AHR: variants seen among roughly 807,000 people sequenced by gnomAD.
AHR encodes aryl hydrocarbon receptor.
Under a neutral mutation model 86.8 loss-of-function variants are expected in AHR, and 40 were observed. That is an observed-to-expected ratio of 0.46 (90% confidence interval 0.36 to 0.60). AHR has a LOEUF of 0.60. AHR is among the 20% of genes least tolerant of loss of function. The pLI is 0.00. For synonymous variants in AHR, 398 were observed against 354.9 expected, an observed-to-expected ratio of 1.12 and a Z score of -1.37; for missense variants, 1,001 against 1,011.6, an observed-to-expected ratio of 0.99 and a Z score of 0.14.
chr7:17,335,514 G>T (rs1268620932), intron 8 of AHR, 131 bp from the exon 9 acceptor site: 12 of 722,290 alleles, frequency 1.7e-5, no homozygotes, highest in Admixed American at 7.1e-5. Flanking sequence ...ATTATTTTTT[G>T]TTTAAAATTT....
At chr7:17,302,103 G>C (rs1221764459) in intron 1 of AHR, among the ~76,000 whole-genome samples, 2 of 151,816 alleles carry the variant, frequency 1.3e-5, no homozygotes, top group African/African-American at 4.8e-5. Flanking sequence ...ATATATTTTT[G>C]TATTTTTAAG....
chr7:17,302,459 A>G (rs962512943), intron 1 of AHR, among the ~76,000 whole-genome samples: 2 of 152,016 alleles, frequency 1.3e-5, no homozygotes, highest in Non-Finnish European at 1.5e-5. Context: ...TTTTCTATAA[A>G]TTTATGGTGC....
At chr7:17,316,314 G>A (rs892007579) in intron 2 of AHR, among the ~76,000 whole-genome samples, 3 of 152,188 alleles carry the variant, frequency 2.0e-5, no homozygotes, top group African/African-American at 7.2e-5. Context: ...TGTTAGCAGT[G>A]GGAGATTAAG....
At chr7:17,304,668 T>C (rs1352807843) in intron 1 of AHR, among the ~76,000 whole-genome samples, 1 of 152,134 alleles carries the variant, frequency 6.6e-6, no homozygotes, top group Non-Finnish European at 1.5e-5. Flanking sequence ...CTGAGCAATA[T>C]ATTATGCTTG....
In AHR at chr7:17,343,321, A is replaced by T. The variant is rs1782446233; in HGVS notation, c.*257A>T. The T allele has an allele frequency of 2.2e-6, 1 of 453,906 alleles. No homozygotes were observed. Among genetic ancestry groups the T allele is most frequent in the East Asian group, 4.3e-5 (1 of 23,336 alleles). The allele number at this position is 453,906 out of a possible 1,614,324, so 28.1% of individuals were successfully genotyped here. The stretch of plus-strand genomic sequence containing the variant: ...TGGTGAGGTACCGTCTACATTTCAC[A>T]TTATTCTGGGCACCACAAAATATAC... On this transcript the variant is annotated 3_prime_UTR_variant, in exon 11 of 11. Transcript: ENST00000242057.
intron 10 of AHR, among the ~76,000 whole-genome samples, chr7:17,341,921 G>T (rs1782430512): frequency 6.6e-6 from 1 of 152,036 alleles, no homozygotes; most frequent in Admixed American, 6.6e-5. Context: ...TATGAGTAAT[G>T]AGAAAAAATC....
rs1782458425 is a variant in AHR at position 17,344,277 on chromosome 7, G to T, written c.*1213G>T. Reference sequence around the variant, plus strand: ...TTAAGATTGCAGATAGCAAGGTTTGGTGCAAAGTATTGTAATGAGTGAATT... The same window carrying T: ...TTAAGATTGCAGATAGCAAGGTTTGTTGCAAAGTATTGTAATGAGTGAATT... On this transcript the variant is annotated 3_prime_UTR_variant, in exon 11 of 11. Coordinates refer to ENST00000242057, the MANE Select transcript of AHR (RefSeq NM_001621.5). 6.5e-6 allele frequency: 1 copy of T among 152,718 alleles called. No homozygotes were observed. Among genetic ancestry groups the T allele is most frequent in the Non-Finnish European group, 1.5e-5 (1 of 68,016 alleles). The allele number at this position is 152,718 out of a possible 1,614,324, so 9.5% of individuals were successfully genotyped here. A position where few individuals can be genotyped will look rare whatever the true frequency, so the allele number is the denominator to read the frequency against.
chr7:17,315,277 GATTT>G (rs1458785994), intron 2 of AHR, among the ~76,000 whole-genome samples: 1 of 151,846 alleles, frequency 6.6e-6, no homozygotes, highest in Admixed American at 6.6e-5. Context: ...TACAGTATAA[GATTT>G]ATTAGATTAT....
At position 17,344,206 on chromosome 7, in the gene AHR, T is replaced by G. The variant is rs1782457668; in HGVS notation, c.*1142T>G. 2 of 152,810 alleles carry G rather than the reference T, an allele frequency of 1.3e-5. No homozygotes were observed. The allele number at this position is 152,810 out of a possible 1,614,324, so 9.5% of individuals were successfully genotyped here. On this transcript the variant is annotated 3_prime_UTR_variant, in exon 11 of 11. Transcript: ENST00000242057. ...TTGTGTTGACTTTATAAATTTCGCT[T>G]CTTAGAACAGTGGAAACTATGTGTT...
chr7:17,329,443 A>C (rs1782263164), intron 4 of AHR, among the ~76,000 whole-genome samples: 1 of 151,914 alleles, frequency 6.6e-6, no homozygotes, highest in African/African-American at 2.4e-5. Context: ...GAGGCAAGAG[A>C]AGGAAAGTGG....
chr7:17,319,213 G>A (rs539608401), intron 2 of AHR, among the ~76,000 whole-genome samples: 1 of 152,230 alleles, frequency 6.6e-6, no homozygotes. Flanking sequence ...TATAAAGTCA[G>A]CATAGACTTC....
intron 10 of AHR, 58 bp downstream of exon 10, chr7:17,340,286 A>G: frequency 1.3e-6 from 2 of 1,506,502 alleles, no homozygotes; most frequent in South Asian, 1.4e-5. Context: ...CCTTATAGAC[A>G]TGTTACACAT....
intron 6 of AHR, among the ~76,000 whole-genome samples, chr7:17,333,067 A>G (rs1415606967): frequency 6.6e-6 from 1 of 151,988 alleles, no homozygotes; most frequent in Non-Finnish European, 1.5e-5. Context: ...ACAGGTTTGT[A>G]GCCTAGGAAC....
intron 9 of AHR, among the ~76,000 whole-genome samples, chr7:17,337,896 A>T (rs894736793): frequency 1.3e-5 from 2 of 151,944 alleles, no homozygotes; most frequent in Admixed American, 1.3e-4. Flanking sequence ...TATGGATATG[A>T]AATTTTATAA....
In AHR at chr7:17,339,312, G is replaced by T; in HGVS notation, c.1487G>T (p.Trp496Leu). The stretch of plus-strand genomic sequence containing the variant: ...GAATCTATGAATGAATGCAGAAATT[G>T]GCAAGATAATACTGCACCGATGGGA... ...FNESMNECRNWQDNTAPMGND... is the reference protein window; with the variant it reads ...FNESMNECRNLQDNTAPMGND... The change falls in exon 10 of 11, where the codon TGG (tryptophan) becomes TTG (leucine). Residue 496 changes from tryptophan to leucine, a missense_variant. By Grantham distance (61) the Trp-to-Leu change is moderately conservative. Coordinates refer to ENST00000242057, the MANE Select transcript of AHR (RefSeq NM_001621.5). 6.2e-7 allele frequency: 1 copy of T among 1,614,110 alleles called. No individual in the cohort carries two copies. Among genetic ancestry groups the T allele is most frequent in the Non-Finnish European group, 8.5e-7 (1 of 1,180,028 alleles).
At chr7:17,333,424 T>A (rs889813493) in intron 6 of AHR, among the ~76,000 whole-genome samples, 1 of 152,170 alleles carries the variant, frequency 6.6e-6, no homozygotes, top group African/African-American at 2.4e-5. Flanking sequence ...GCATTCTTTA[T>A]ATGTTTTCAT....
chr7:17,327,531 C>A (rs533178615), intron 3 of AHR, among the ~76,000 whole-genome samples: 1 of 151,870 alleles, frequency 6.6e-6, no homozygotes, highest in Non-Finnish European at 1.5e-5. Context: ...CCATATTCTA[C>A]CAAAGTTATT....
chr7:17,329,823 T>A lies in AHR; in HGVS notation c.451-129T>A, dbSNP rs370942426. 1.8e-5 allele frequency: 14 copies of A among 798,240 alleles called. No homozygotes were observed. In the East Asian group the frequency reaches 1.8e-4, roughly 10 times the overall value. The allele number at this position is 798,240 out of a possible 1,614,324, so 49.4% of individuals were successfully genotyped here. A position where few individuals can be genotyped will look rare whatever the true frequency, so the allele number is the denominator to read the frequency against. On this transcript the variant is annotated intron_variant, in intron 4 of 10. Transcript: ENST00000242057. ...TTCTATCTTAGGTGACTAGGGAATT[T>A]TAGGAATCATTCAATTCGTATTCAT...
rs749744778 is a variant in AHR, at chr7:17,339,808, T to C, written c.1983T>C (p.Pro661=). ...ATTGGAACTCTAACCAATTCGTGCC[T>C]TTCAATTGTCCACAGCAAGACCCAC... The part of the protein sequence containing the change: ...FENWNSNQFV[P]FNCPQQDPQQ... Residue 661 remains proline (P), a synonymous_variant, in exon 10 of 11, where the codon CCT becomes CCC. Transcript: ENST00000242057. 1 of 1,614,210 alleles carries C rather than the reference T, an allele frequency of 6.2e-7. No homozygotes were observed. The highest frequency in any genetic ancestry group is 8.5e-7 in the Non-Finnish European group (1 of 1,180,028).
Sources: allele counts gnomAD v4.1 joint callset (sites outside exome capture counted in the v4.1 genomes callset), GRCh38; gene constraint gnomAD v4.1.1; transcripts MANE v1.5; gene names NCBI Gene and HGNC (gene_info 2026-07-23, HGNC 2026-07-21).